The following NYAP2 variants were observed in gnomAD, a reference collection of about 807,000 sequenced individuals.
The protein encoded by NYAP2 is neuronal tyrosine-phosphorylated phosphoinositide-3-kinase adaptor 2, also known as neuronal tyrosine-phosphorylated phosphoinositide-3-kinase adapter 2.
In NYAP2, 23 loss-of-function variants were observed where a neutral mutation model predicts 50.4. The observed-to-expected ratio is 0.46, with a 90% CI of 0.33 to 0.65. The LOEUF is 0.65. NYAP2 is among the 30% of genes least tolerant of loss of function. The pLI is 0.02. For missense variants in NYAP2, 885 were observed against 861.0 expected, an observed-to-expected ratio of 1.03 and a Z score of -0.35; for synonymous variants, 394 against 365.2, an observed-to-expected ratio of 1.08 and a Z score of -0.90.
At chr2:225,639,272 C>T (rs1281639002) in intron 6 of NYAP2, among the ~76,000 whole-genome samples, 1 of 152,098 alleles carries the variant, frequency 6.6e-6, no homozygotes, top group Non-Finnish European at 1.5e-5. Context: ...TTAAAAATTG[C>T]TCTAAGGTTA....
chr2:225,628,395 C>T (rs1263221238), intron 6 of NYAP2, among the ~76,000 whole-genome samples: 3 of 142,824 alleles, frequency 2.1e-5, no homozygotes, highest in East Asian at 2.1e-4. Flanking sequence ...GATCTTGGCT[C>T]ACTGCAACCT....
At chr2:225,703,522 T>C in the NYAP2 span, 1 of 151,832 alleles carries the variant, frequency 6.6e-6, no homozygotes, top group Non-Finnish European at 1.5e-5. Context: ...TGTACTTTGA[T>C]ACTACTAAAG....
intron 3 of NYAP2, among the ~76,000 whole-genome samples, chr2:225,489,552 T>C (rs1049626997): frequency 2.6e-5 from 4 of 152,150 alleles, no homozygotes; most frequent in Admixed American, 1.3e-4. Context: ...AATAAGACAA[T>C]AGATTCCTGT....
Position 225,441,608 on chromosome 2 carries a change from A to C in NYAP2, c.221+32507A>C, listed in dbSNP as rs138009412. 2.1e-3 allele frequency among the ~76,000 whole-genome samples: 318 copies of C among 152,334 alleles called. 1 individual carries two copies. Among genetic ancestry groups the C allele is most frequent in the African/African-American group, 7.3e-3 (304 of 41,588 alleles). On this transcript the variant is annotated intron_variant, in intron 3 of 6. Coordinates refer to ENST00000636099, the Ensembl canonical transcript of NYAP2. The stretch of plus-strand genomic sequence containing the variant: ...CAAAGGAGAAACAAGGCACGATTTC[A>C]AAAGGCGGCAGGAGAGAGAGAGTGT...
At chr2:225,430,671 A>G (rs574413558) in intron 3 of NYAP2, among the ~76,000 whole-genome samples, 2 of 152,260 alleles carry the variant, frequency 1.3e-5, no homozygotes, top group Admixed American at 1.3e-4. Flanking sequence ...TAATCAATAC[A>G]TCAGGGATTT....
the NYAP2 span, among the ~76,000 whole-genome samples, chr2:225,675,234 C>T: frequency 6.6e-6 from 1 of 152,024 alleles, no homozygotes; most frequent in Admixed American, 6.6e-5. Context: ...CCAATGATCC[C>T]ATCACCAAGG....
chr2:225,578,957 T>C (rs1559219956), intron 4 of NYAP2, among the ~76,000 whole-genome samples: 1 of 152,200 alleles, frequency 6.6e-6, no homozygotes, highest in Non-Finnish European at 1.5e-5. Context: ...GGTCGGTTTC[T>C]GATGAGGGCT....
intron 4 of NYAP2, among the ~76,000 whole-genome samples, chr2:225,580,768 A>G (rs1158615503): frequency 6.9e-6 from 1 of 145,190 alleles, no homozygotes; most frequent in Non-Finnish European, 1.5e-5. Context: ...AGGCCAGTTA[A>G]AAAAAAAAAA....
chr2:225,463,828 AGCAGCAT>A (rs1269115270), intron 3 of NYAP2, among the ~76,000 whole-genome samples: 1 of 152,182 alleles, frequency 6.6e-6, no homozygotes, highest in Non-Finnish European at 1.5e-5. Context: ...GTGGATTGTG[AGCAGCAT>A]GCACTTTGGG....
At chr2:225,432,106 A>G (rs2106134378) in intron 3 of NYAP2, among the ~76,000 whole-genome samples, 1 of 149,740 alleles carries the variant, frequency 6.7e-6, no homozygotes, top group South Asian at 2.1e-4. Context: ...AGTAGCTGGG[A>G]CTACAGGCCT....
At chr2:225,547,964 A>ATGAAATACATATGCATGAAATACAATG (rs1491434502) in intron 4 of NYAP2, among the ~76,000 whole-genome samples, 1 of 152,184 alleles carries the variant, frequency 6.6e-6, no homozygotes, top group Admixed American at 6.5e-5. Context: ...GAAGCTCACT[A>ATGAAATACATATGCATGAAATACAATG]CATGAAATAC....
At chr2:225,662,523 A>G in the NYAP2 span, among the ~76,000 whole-genome samples, 1 of 152,274 alleles carries the variant, frequency 6.6e-6, no homozygotes, top group Non-Finnish European at 1.5e-5. Flanking sequence ...CTACGAACAG[A>G]CACTTTAAAG....
chr2:225,488,183 C>T (rs2106169141), intron 3 of NYAP2, among the ~76,000 whole-genome samples: 1 of 152,312 alleles, frequency 6.6e-6, no homozygotes, highest in South Asian at 2.1e-4. Flanking sequence ...CATTCTCCCA[C>T]AGAGCTTGAA....
At position 225,582,187 on chromosome 2, in the gene NYAP2, G is replaced by T. The variant is rs781748171; in HGVS notation, c.770G>T (p.Arg257Met). Residue 257 changes from arginine to methionine, a missense_variant, in exon 5 of 7, where the codon AGG becomes ATG. By Grantham distance (91) the Arg-to-Met change is moderately conservative. Transcript: ENST00000636099. This position sits in a 1 kb window ranked among gnomAD's most constrained non-coding sequence, Gnocchi z 7.0. Reference sequence around the variant, plus strand: ...GTGGGGAACATTCTCAGAGACTTCAGGAAGGAGGACGATGACCAGAGCGAG... The same window carrying T: ...GTGGGGAACATTCTCAGAGACTTCATGAAGGAGGACGATGACCAGAGCGAG... 1 of 1,614,048 alleles carries T rather than the reference G, an allele frequency of 6.2e-7. No individual in the cohort carries two copies. Among genetic ancestry groups the T allele is most frequent in the South Asian group, 1.1e-5 (1 of 91,078 alleles).
chr2:225,438,562 A>G (rs1689420456), intron 3 of NYAP2, among the ~76,000 whole-genome samples: 1 of 152,262 alleles, frequency 6.6e-6, no homozygotes, highest in Non-Finnish European at 1.5e-5. Context: ...GTAGATAATA[A>G]CTTACATAAT....
chr2:225,627,094 G>A (rs966446162), exon 6 of NYAP2: 2 of 1,593,024 alleles, frequency 1.3e-6, no homozygotes, highest in Non-Finnish European at 1.7e-6. Context: ...TGCTCTGTGA[G>A]CCCCACCTTG....
chr2:225,458,902 A>ACAG (rs1321125968), intron 3 of NYAP2, among the ~76,000 whole-genome samples: 1 of 152,228 alleles, frequency 6.6e-6, no homozygotes, highest in Non-Finnish European at 1.5e-5. Context: ...GAGAGTGTGG[A>ACAG]CAGTGGTCTC....
chr2:225,603,133 C>A (rs1394253495), intron 5 of NYAP2, among the ~76,000 whole-genome samples: 1 of 152,050 alleles, frequency 6.6e-6, no homozygotes, highest in Non-Finnish European at 1.5e-5. Flanking sequence ...GTGTATAAGT[C>A]TTTTACTTCC....
intron 3 of NYAP2, among the ~76,000 whole-genome samples, chr2:225,462,707 G>T (rs1689852577): frequency 1.3e-5 from 2 of 152,114 alleles, no homozygotes; most frequent in Admixed American, 1.3e-4. Context: ...CAGAATGTCA[G>T]ACAATAGAAG....
Sources: gnomAD v4.1 joint callset for allele counts (sites outside exome capture counted in the v4.1 genomes callset) on GRCh38, gnomAD v4.1.1 for gene constraint, Gnocchi (gnomAD v3.1) non-coding constraint, MANE v1.5 for transcripts, NCBI Gene and HGNC (gene_info 2026-07-23, HGNC 2026-07-21) for gene names.